Variants in PRKG1 observed in about 807,000 individuals in gnomAD.
PRKG1 encodes protein kinase cGMP-dependent 1, also known as cGMP-dependent protein kinase 1.
In PRKG1, 35 loss-of-function variants were observed where a neutral mutation model predicts 88.1. The ratio of observed to expected loss-of-function variants is 0.40; its 90% CI spans 0.30 to 0.53. The LOEUF is 0.53. Ranked by LOEUF, PRKG1 falls within the 20% of genes least tolerant of loss-of-function variation. The pLI is 0.59. For synonymous variants in PRKG1, 303 were observed against 292.5 expected, an observed-to-expected ratio of 1.04 and a Z score of -0.37; for missense variants, 540 against 839.8, an observed-to-expected ratio of 0.64 and a Z score of 4.41.
chr10:51,312,590 C>G (rs1385131690), intron 2 of PRKG1, among the ~76,000 whole-genome samples: 1 of 152,074 alleles, frequency 6.6e-6, no homozygotes, highest in African/African-American at 2.4e-5. Flanking sequence ...ATGATAGAAA[C>G]AGCTGGTTCT....
chr10:51,278,772 T>G (rs1230342565), intron 2 of PRKG1, among the ~76,000 whole-genome samples: 2 of 152,166 alleles, frequency 1.3e-5, no homozygotes, highest in Non-Finnish European at 2.9e-5. Context: ...TGATGGTAGT[T>G]TGTATTTCTG....
At chr10:51,353,584 C>T (rs983804643) in intron 2 of PRKG1, among the ~76,000 whole-genome samples, 14 of 151,866 alleles carry the variant, frequency 9.2e-5, no homozygotes, top group African/African-American at 2.4e-4. Flanking sequence ...GAAATACAAA[C>T]GCTACAATGA....
chr10:52,264,174 A>G (rs1841508869), intron 10 of PRKG1, among the ~76,000 whole-genome samples: 1 of 31,344 alleles, frequency 3.2e-5, no homozygotes, highest in Non-Finnish European at 5.8e-5. Flanking sequence ...GGCTGTGAAG[A>G]GCTTTCTGGC....
intron 3 of PRKG1, among the ~76,000 whole-genome samples, chr10:51,579,452 GT>G (rs1837974845): frequency 6.6e-6 from 1 of 152,066 alleles, no homozygotes; most frequent in African/African-American, 2.4e-5. Context: ...TTGTCACTGA[GT>G]TTTGTGATAC....
At chr10:52,007,612 C>T (rs889396563) in intron 5 of PRKG1, among the ~76,000 whole-genome samples, 1 of 152,064 alleles carries the variant, frequency 6.6e-6, no homozygotes, top group Admixed American at 6.6e-5. Flanking sequence ...ATAGGAACAC[C>T]CAGATTCACA....
chr10:51,783,241 G>A (rs757150542), intron 3 of PRKG1, among the ~76,000 whole-genome samples: 2 of 151,922 alleles, frequency 1.3e-5, no homozygotes, highest in South Asian at 2.1e-4. Context: ...AATTATATAA[G>A]CTTATTCATT....
At chr10:51,789,873 G>C (rs1170664993) in intron 3 of PRKG1, among the ~76,000 whole-genome samples, 1 of 152,052 alleles carries the variant, frequency 6.6e-6, no homozygotes, top group African/African-American at 2.4e-5. Flanking sequence ...CCAGGCTGGA[G>C]TGTAGTGGCA....
intron 1 of PRKG1, among the ~76,000 whole-genome samples, chr10:51,103,342 G>T (rs1163109838): frequency 2.6e-5 from 4 of 152,140 alleles, no homozygotes; most frequent in Non-Finnish European, 5.9e-5. Context: ...TGAAATTTTA[G>T]AATACTGGGC....
intron 5 of PRKG1, among the ~76,000 whole-genome samples, chr10:52,017,079 A>C (rs1845059595): frequency 6.6e-6 from 1 of 152,182 alleles, no homozygotes; most frequent in Non-Finnish European, 1.5e-5. Context: ...TGACTGAAAA[A>C]GAGGGAGTGA....
chr10:51,875,085 T>A (rs1407289120), intron 4 of PRKG1, among the ~76,000 whole-genome samples: 2 of 152,130 alleles, frequency 1.3e-5, no homozygotes, highest in Non-Finnish European at 2.9e-5. Context: ...GGAAGCCTGC[T>A]TGATTAGAAG....
At chr10:51,796,939 A>G (rs897834633) in intron 3 of PRKG1, among the ~76,000 whole-genome samples, 1 of 152,100 alleles carries the variant, frequency 6.6e-6, no homozygotes, top group Non-Finnish European at 1.5e-5. Context: ...ATCTTGACTA[A>G]GATTGACTAA....
intron 4 of PRKG1, among the ~76,000 whole-genome samples, chr10:51,818,267 C>T (rs186676691): frequency 1.7e-4 from 26 of 152,230 alleles, no homozygotes; most frequent in Non-Finnish European, 3.2e-4. Context: ...ATTAAGGATA[C>T]ATTGTCTCAC....
At chr10:51,026,634 ATC>A (rs770128719) in intron 1 of PRKG1, among the ~76,000 whole-genome samples, 7 of 152,118 alleles carry the variant, frequency 4.6e-5, no homozygotes, top group Non-Finnish European at 8.8e-5. Flanking sequence ...CTTAAATTTT[ATC>A]TCTTTTCCCT....
intron 4 of PRKG1, among the ~76,000 whole-genome samples, chr10:51,858,421 AAT>A (rs1247763845): frequency 2.1e-5 from 1 of 48,296 alleles, no homozygotes; most frequent in African/African-American, 7.4e-5. Context: ...ATATATATAT[AAT>A]ATATATATAT....
At chr10:51,873,991 T>C (rs1231182999) in intron 4 of PRKG1, among the ~76,000 whole-genome samples, 1 of 152,234 alleles carries the variant, frequency 6.6e-6, no homozygotes, top group Non-Finnish European at 1.5e-5. Context: ...GAAGTAAAAG[T>C]CTACTTTCAT....
chr10:51,345,849 G>C (rs1018106910), intron 2 of PRKG1, among the ~76,000 whole-genome samples: 2 of 152,150 alleles, frequency 1.3e-5, no homozygotes, highest in Non-Finnish European at 2.9e-5. Context: ...CCATGCTACG[G>C]GATGATTCAA....
At chr10:51,833,273 G>A (rs987142309) in intron 4 of PRKG1, among the ~76,000 whole-genome samples, 2 of 152,146 alleles carry the variant, frequency 1.3e-5, no homozygotes, top group African/African-American at 2.4e-5. Flanking sequence ...GCTGAGTGAC[G>A]TAAAATTTCA....
chr10:52,114,544 G>A (rs1353755014), intron 7 of PRKG1, among the ~76,000 whole-genome samples: 2 of 148,516 alleles, frequency 1.3e-5, no homozygotes, highest in Non-Finnish European at 2.9e-5. Context: ...GAGCTCACAG[G>A]CCTAATATGC....
At chr10:51,800,442 C>G (rs1193048364) in intron 3 of PRKG1, among the ~76,000 whole-genome samples, 1 of 152,102 alleles carries the variant, frequency 6.6e-6, no homozygotes, top group Non-Finnish European at 1.5e-5. Context: ...TAAACATGCA[C>G]AGAACACTTA....
Sources: gnomAD v4.1 joint callset for allele counts (sites outside exome capture counted in the v4.1 genomes callset) on GRCh38, gnomAD v4.1.1 for gene constraint, MANE v1.5 for transcripts, NCBI Gene and HGNC (gene_info 2026-07-23, HGNC 2026-07-21) for gene names.